KCTD2: variants seen among roughly 807,000 people sequenced by gnomAD.
The protein encoded by KCTD2 is potassium channel tetramerization domain containing 2.
Under a neutral mutation model 27.9 loss-of-function variants are expected in KCTD2, and 18 were observed. That is an observed-to-expected ratio of 0.64 (90% CI 0.45 to 0.96). KCTD2 has a LOEUF of 0.96. Ranked by LOEUF, KCTD2 falls within the 40% of genes least tolerant of loss-of-function variation. The pLI, the probability that KCTD2 is intolerant of heterozygous loss-of-function variation, is 0.00. For synonymous variants in KCTD2, 175 were observed against 148.4 expected, an observed-to-expected ratio of 1.18 and a Z score of -1.30; for missense variants, 280 against 348.0, an observed-to-expected ratio of 0.80 and a Z score of 1.56.
chr17:75,053,840 A>G (rs995755964), intron 3 of KCTD2, among the ~76,000 whole-genome samples: 19 of 134,492 alleles, frequency 1.4e-4, no homozygotes, highest in African/African-American at 2.9e-4. Context: ...ACGCTTCAGC[A>G]GCTGCTTGTG....
In KCTD2 at chr17:75,054,700, G is replaced by A. The variant is rs568021517; in HGVS notation, c.540+1595G>A. On this transcript the variant is annotated intron_variant, in intron 3 of 5. Transcript: ENST00000322444. ...TGGGTGCCTGTAGTCCCAGCTGCTC[G>A]GGAGGCTGAAGCAGGAGAATGGTGT... 3.9e-5 allele frequency among the ~76,000 whole-genome samples: 6 copies of A among 152,054 alleles called. No individual in the cohort carries two copies. In the East Asian group the frequency reaches 1.2e-3, roughly 29 times the overall value.
At position 75,063,225 on chromosome 17, in the gene KCTD2, G is replaced by T. The variant is rs866625365; in HGVS notation, c.*178G>T. The T allele has an allele frequency of 3.1e-6, 2 of 647,122 alleles. No homozygotes were observed. Among genetic ancestry groups the T allele is most frequent in the African/African-American group, 1.8e-5 (1 of 54,672 alleles). The allele number at this position is 647,122 out of a possible 1,614,324, so 40.1% of individuals were successfully genotyped here. ...ACTCCCTCCCCACCTGCAGGACTCC[G>T]AAGACAGTGCGACTTCTGGCTGCAG... On this transcript the variant is annotated 3_prime_UTR_variant, in exon 6 of 6. Coordinates refer to ENST00000322444, the MANE Select transcript of KCTD2 (RefSeq NM_015353.3).
In KCTD2 at chr17:75,048,674, C is replaced by T. The variant is rs768702395; in HGVS notation, c.340-546C>T. 2.0e-5 allele frequency among the ~76,000 whole-genome samples: 3 copies of T among 152,146 alleles called. No individual in the cohort carries two copies. The East Asian group carries it at 5.8e-4, about 29-fold the overall frequency. ...GCTCAGAGCCAAGTCCTGGCAGTACCGAGCTTCCTCTGGGCACAGAGCTGG... is the reference window on the plus strand; with the variant it reads ...GCTCAGAGCCAAGTCCTGGCAGTACTGAGCTTCCTCTGGGCACAGAGCTGG... On this transcript the variant is annotated intron_variant, in intron 1 of 5. Transcript: ENST00000322444.
rs1001359818 is a variant in KCTD2, at chr17:75,064,521, G to C, written c.*1474G>C. 2.0e-5 allele frequency: 3 copies of C among 152,262 alleles called. No individual in the cohort carries two copies. The highest frequency in any genetic ancestry group is 4.8e-5 in the African/African-American group (2 of 41,448). The allele number at this position is 152,262 out of a possible 1,614,324, so 9.4% of individuals were successfully genotyped here. A position where few individuals can be genotyped will look rare whatever the true frequency, so the allele number is the denominator to read the frequency against. The stretch of plus-strand genomic sequence containing the variant: ...TAGTTTCTGGAAATGACTGCAGACT[G>C]TGCCAAATGTCTTTTGAGCTTCTGA... On this transcript the variant is annotated 3_prime_UTR_variant, in exon 6 of 6. Transcript: ENST00000322444.
intron 1 of KCTD2, chr17:75,033,925 T>C (rs2040088184): frequency 6.6e-6 from 1 of 152,268 alleles, no homozygotes; most frequent in African/African-American, 2.4e-5. Flanking sequence ...GCCTAATGGA[T>C]AAGGCACTGG....
chr17:75,036,007 G>GTGCAAGTGTA, intron 3 of KCTD2: 1 of 453,830 alleles, frequency 2.2e-6, no homozygotes, highest in Non-Finnish European at 4.4e-6. Context: ...ATGCATGTGT[G>GTGCAAGTGTA]TGCAAGTGTA....
At chr17:75,050,958 A>G (rs1377088216) in intron 2 of KCTD2, among the ~76,000 whole-genome samples, 3 of 147,662 alleles carry the variant, frequency 2.0e-5, no homozygotes, top group Admixed American at 2.0e-4. Flanking sequence ...GATTATAGGC[A>G]TGAGCCATCA....
At chr17:75,043,542 G>A (rs112722430), upstream of KCTD2, among the ~76,000 whole-genome samples, 1,804 of 151,572 alleles carry the variant, frequency 0.012, 34 homozygotes, top group African/African-American at 0.042. Context: ...GAACCTGGGC[G>A]GCGGAGGTTG....
intron 4 of KCTD2, among the ~76,000 whole-genome samples, chr17:75,061,863 C>CCG (rs531006957): frequency 6.6e-6 from 1 of 151,166 alleles, no homozygotes; most frequent in Non-Finnish European, 1.5e-5. Context: ...CTGCCGCTGA[C>CCG]GGGGGGGGAC....
At position 75,062,261 on chromosome 17, in the gene KCTD2, C is replaced by A. The variant is rs1001781587; in HGVS notation, c.762+16C>A. On this transcript the variant is annotated intron_variant, in intron 5 of 5. Transcript: ENST00000322444. Reference sequence around the variant, plus strand: ...AAAGGCGAAGGTAAGGAGCCCCTTCCCTGGGCAGTTGCCTCTGGCTTGCTT... The same window carrying A: ...AAAGGCGAAGGTAAGGAGCCCCTTCACTGGGCAGTTGCCTCTGGCTTGCTT... 52 of 1,605,856 alleles carry A rather than the reference C, an allele frequency of 3.2e-5. No homozygotes were observed. Among genetic ancestry groups the A allele is most frequent in the Non-Finnish European group, 4.1e-5 (48 of 1,176,600 alleles).
chr17:75,059,935 G>C (rs2073386725), intron 4 of KCTD2, among the ~76,000 whole-genome samples: 1 of 152,196 alleles, frequency 6.6e-6, no homozygotes, highest in African/African-American at 2.4e-5. Flanking sequence ...AGGAGACTGG[G>C]ATTCGACAAC....
In KCTD2 at chr17:75,060,151, T is replaced by C. The variant is rs575756679; in HGVS notation, c.636+546T>C. 3.3e-5 allele frequency among the ~76,000 whole-genome samples: 5 copies of C among 152,188 alleles called. No individual in the cohort carries two copies. The East Asian group carries it at 9.7e-4, about 29-fold the overall frequency. ...GCTATGACAGTTGGAGCTTCACTGTTCTCCTCCATTAGATGGCAGACTTGT... is the reference window on the plus strand; with the variant it reads ...GCTATGACAGTTGGAGCTTCACTGTCCTCCTCCATTAGATGGCAGACTTGT... On this transcript the variant is annotated intron_variant, in intron 4 of 5. Transcript: ENST00000322444.
At chr17:75,040,075 G>A in intron 3 of KCTD2, 1 of 1,613,382 alleles carries the variant, frequency 6.2e-7, no homozygotes, top group Non-Finnish European at 8.5e-7. Context: ...GAATAAGCAG[G>A]AGCCTCAACT....
At chr17:75,036,590 C>A (rs1271999964) in intron 3 of KCTD2, among the ~76,000 whole-genome samples, 1 of 152,268 alleles carries the variant, frequency 6.6e-6, no homozygotes, top group African/African-American at 2.4e-5. Flanking sequence ...CCAAAGGGCT[C>A]CCCCTAATGC....
At chr17:75,047,220 C>A, upstream of KCTD2, 2 of 594,042 alleles carry the variant, frequency 3.4e-6, no homozygotes, top group Non-Finnish European at 4.4e-6. Flanking sequence ...CGGCTGCGCG[C>A]GGGCAGCAGC....
At chr17:75,040,405 C>T (rs558965430) in intron 3 of KCTD2, 1 of 505,732 alleles carries the variant, frequency 2.0e-6, no homozygotes, top group African/African-American at 2.0e-5. Flanking sequence ...AACTCGGAAC[C>T]CTGGACAATT....
chr17:75,062,932 A>G, intron 5 of KCTD2, 86 bp from the exon 6 acceptor site: 1 of 1,397,476 alleles, frequency 7.2e-7, no homozygotes. Flanking sequence ...CCATCATGCC[A>G]CTCATCGGGT....
chr17:75,059,660 C>T, intron 4 of KCTD2, 55 bp downstream of exon 4: 1 of 1,378,376 alleles, frequency 7.3e-7, no homozygotes, highest in Non-Finnish European at 1.0e-6. Flanking sequence ...GTCTGCAGCT[C>T]TTCAAACAAT....
Position 75,047,295 on chromosome 17 carries a change from G to T in KCTD2, c.45G>T (p.Gly15=). The change falls in exon 1 of 6, where the codon GGG becomes GGT. Residue 15 remains glycine (G), a synonymous_variant. Coordinates refer to ENST00000322444, the MANE Select transcript of KCTD2 (RefSeq NM_015353.3). ...ACCCGGCGATGGCGGGGCTGGGAGG[G>T]GGCGGCGGGAGTGGGGTGGGCGACG... is the stretch of plus-strand genomic sequence containing the variant. The part of the protein sequence containing the change: ...QLDPAMAGLG[G]GGGSGVGDGG... 1 of 1,161,252 alleles carries T rather than the reference G, an allele frequency of 8.6e-7. No homozygotes were observed. Among genetic ancestry groups the T allele is most frequent in the Non-Finnish European group, 1.1e-6 (1 of 935,606 alleles). 71.9% of individuals were successfully genotyped at this position (1,161,252 alleles called of 1,614,324 possible). A position where few individuals can be genotyped will look rare whatever the true frequency, so the allele number is the denominator to read the frequency against.
Sources: gnomAD v4.1 joint callset for allele counts (sites outside exome capture counted in the v4.1 genomes callset) on GRCh38, gnomAD v4.1.1 for gene constraint, MANE v1.5 for transcripts, NCBI Gene and HGNC (gene_info 2026-07-23, HGNC 2026-07-21) for gene names.